The following SUGCT variants were observed in gnomAD, a reference collection of about 807,000 sequenced individuals.
SUGCT encodes the protein succinyl-CoA:glutarate CoA-transferase.
SUGCT carries 41 observed loss-of-function variants against 55.0 expected under a neutral mutation model. The ratio of observed to expected loss-of-function variants is 0.74; its 90% CI spans 0.58 to 0.97. SUGCT has a LOEUF of 0.97. Ranked by LOEUF, SUGCT falls within the 50% of genes least tolerant of loss-of-function variation. The pLI, the probability that SUGCT is intolerant of heterozygous loss-of-function variation, is 0.00. For synonymous variants in SUGCT, 187 were observed against 200.4 expected (o/e 0.93, Z 0.56); for missense variants, 568 against 547.8 (o/e 1.04, Z -0.37).
At chr7:41,006,433 C>T in the SUGCT span, among the ~76,000 whole-genome samples, 7 of 150,950 alleles carry the variant, frequency 4.6e-5, no homozygotes, top group African/African-American at 1.7e-4. Flanking sequence ...TACTTGAGTG[C>T]AAAATACCTT....
the SUGCT span, among the ~76,000 whole-genome samples, chr7:41,021,637 G>C: frequency 3.3e-5 from 5 of 151,756 alleles, no homozygotes; most frequent in South Asian, 1.0e-3. Context: ...AAGAACTAGA[G>C]GTCATGGAAT....
the SUGCT span, among the ~76,000 whole-genome samples, chr7:40,866,144 G>T: frequency 2.0e-5 from 3 of 152,152 alleles, no homozygotes; most frequent in Admixed American, 6.5e-5. Context: ...GACGCAACTG[G>T]GATACTGAAA....
chr7:40,752,002 A>G (rs1215109605), intron 13 of SUGCT, among the ~76,000 whole-genome samples: 1 of 152,184 alleles, frequency 6.6e-6, no homozygotes, highest in Non-Finnish European at 1.5e-5. Context: ...GCCCACTTTA[A>G]TTTATCAATG....
chr7:40,854,404 TTTCTTTCTTTCTTTC>T (rs1563050498), intron 13 of SUGCT, among the ~76,000 whole-genome samples: 35 of 103,198 alleles, frequency 3.4e-4, no homozygotes, highest in African/African-American at 1.0e-3. Flanking sequence ...TTTTTCTTTC[TTTCTTTCTTTCTTTC>T]CTTTCTTTCT....
chr7:40,934,005 G>T, the SUGCT span, among the ~76,000 whole-genome samples: 777 of 152,298 alleles, frequency 5.1e-3, 5 homozygotes, highest in African/African-American at 0.018. Flanking sequence ...TCCTTTGGAG[G>T]AGAAGAGGCA....
intron 12 of SUGCT, among the ~76,000 whole-genome samples, chr7:40,605,578 G>T (rs188819116): frequency 6.6e-6 from 1 of 152,250 alleles, no homozygotes; most frequent in Non-Finnish European, 1.5e-5. Context: ...ATTGTGTAGG[G>T]CTGTAGAGAG....
At chr7:41,027,808 A>G in the SUGCT span, among the ~76,000 whole-genome samples, 1 of 152,214 alleles carries the variant, frequency 6.6e-6, no homozygotes, top group African/African-American at 2.4e-5. Flanking sequence ...AGTCTGTGAT[A>G]TGAAAGACTT....
At chr7:40,377,203 CT>C (rs368771202) in intron 9 of SUGCT, among the ~76,000 whole-genome samples, 6,679 of 11,820 alleles carry the variant, frequency 0.57, 2,501 homozygotes, top group Non-Finnish European at 0.72. Context: ...TCTTTCTTTT[CT>C]TTTCTTTTCT....
the SUGCT span, among the ~76,000 whole-genome samples, chr7:41,009,201 C>CCAATG: frequency 0.03 from 3,600 of 120,030 alleles, 149 homozygotes; most frequent in African/African-American, 0.11. Context: ...GTGACAATGT[C>CCAATG]TCTCTCTAAA....
chr7:40,921,760 C>A, the SUGCT span, among the ~76,000 whole-genome samples: 1 of 152,060 alleles, frequency 6.6e-6, no homozygotes, highest in Non-Finnish European at 1.5e-5. Flanking sequence ...GGCCTCAGCT[C>A]GAAAGTGAGG....
At chr7:40,325,044 G>C (rs2151132726) in intron 9 of SUGCT, among the ~76,000 whole-genome samples, 1 of 152,292 alleles carries the variant, frequency 6.6e-6, no homozygotes, top group South Asian at 2.1e-4. Flanking sequence ...GTTATTTCTG[G>C]TGGGGACATT....
intron 11 of SUGCT, among the ~76,000 whole-genome samples, chr7:40,470,324 T>C (rs1435135206): frequency 6.6e-6 from 1 of 152,090 alleles, no homozygotes; most frequent in Admixed American, 6.6e-5. Flanking sequence ...GCTTTGGCTC[T>C]CCAGCATGGA....
intron 8 of SUGCT, among the ~76,000 whole-genome samples, chr7:40,303,294 A>G (rs1030507106): frequency 6.6e-6 from 1 of 151,896 alleles, no homozygotes; most frequent in Non-Finnish European, 1.5e-5. Flanking sequence ...TCGGCCTCCC[A>G]AAGTGCTAGG....
the SUGCT span, among the ~76,000 whole-genome samples, chr7:40,944,102 C>A: frequency 6.6e-6 from 1 of 151,912 alleles, no homozygotes; most frequent in African/African-American, 2.4e-5. Context: ...CTGTTCATAT[C>A]CTTTGTGCAC....
At chr7:40,509,790 C>T (rs1792823227) in intron 12 of SUGCT, among the ~76,000 whole-genome samples, 1 of 152,120 alleles carries the variant, frequency 6.6e-6, no homozygotes, top group African/African-American at 2.4e-5. Context: ...TGTTCTTCTT[C>T]CTCAGTCCAT....
Position 40,749,594 on chromosome 7 carries a change from C to T in SUGCT, c.1153+97C>T, listed in dbSNP as rs570809464. On this transcript the variant is annotated intron_variant, in intron 13 of 13. Transcript: ENST00000335693. ...AGCTTATGAGCTCCCAAACAACTTTCCAAGACATTATCCAAATTTATAACA... is the reference window on the plus strand; with the variant it reads ...AGCTTATGAGCTCCCAAACAACTTTTCAAGACATTATCCAAATTTATAACA... The T allele has an allele frequency of 6.3e-6, 6 of 951,446 alleles. No individual in the cohort carries two copies. In the African/African-American group the frequency reaches 8.2e-5, roughly 13 times the overall value. 58.9% of individuals were successfully genotyped at this position (951,446 alleles called of 1,614,324 possible).
In SUGCT at chr7:40,309,496, T is replaced by C. The variant is rs192519864; in HGVS notation, c.721-7264T>C. 3.3e-5 allele frequency among the ~76,000 whole-genome samples: 5 copies of C among 152,272 alleles called. No homozygotes were observed. In the East Asian group the frequency reaches 7.7e-4, roughly 24 times the overall value. Reference sequence around the variant, plus strand: ...TTTTAGTAGAGATGGGGTTTCATCATGTTGGTCAGGCTGGTCTTGAATTCC... The same window carrying C: ...TTTTAGTAGAGATGGGGTTTCATCACGTTGGTCAGGCTGGTCTTGAATTCC... On this transcript the variant is annotated intron_variant, in intron 8 of 13. Coordinates refer to ENST00000335693, the MANE Select transcript of SUGCT (RefSeq NM_001193313.2).
intron 6 of SUGCT, among the ~76,000 whole-genome samples, chr7:40,210,502 A>G (rs973075873): frequency 1.3e-5 from 2 of 151,752 alleles, no homozygotes; most frequent in Middle Eastern, 3.2e-3. Flanking sequence ...ATATATTTTG[A>G]GACAGTCTTG....
At chr7:40,692,093 C>T (rs1352541462) in intron 12 of SUGCT, among the ~76,000 whole-genome samples, 1 of 152,126 alleles carries the variant, frequency 6.6e-6, no homozygotes, top group Non-Finnish European at 1.5e-5. Context: ...ATCCTAGTCA[C>T]TCGTTAATAA....
Sources: gnomAD v4.1 joint callset for allele counts (sites outside exome capture counted in the v4.1 genomes callset) on GRCh38, gnomAD v4.1.1 for gene constraint, MANE v1.5 for transcripts, NCBI Gene and HGNC (gene_info 2026-07-23, HGNC 2026-07-21) for gene names.